The following UBE2G1 variants were observed in gnomAD, a reference collection of about 807,000 sequenced individuals.
The protein encoded by UBE2G1 is ubiquitin-conjugating enzyme E2 G1.
UBE2G1 carries 5 observed loss-of-function variants against 22.7 expected under a neutral mutation model. That is an observed-to-expected ratio of 0.22 (90% confidence interval 0.12 to 0.46). UBE2G1 has a LOEUF of 0.46. Ranked by LOEUF, UBE2G1 falls within the 20% of genes least tolerant of loss-of-function variation. UBE2G1 has a pLI of 0.99. For synonymous variants in UBE2G1, 74 were observed against 67.5 expected (o/e 1.10, Z -0.47); for missense variants, 88 against 203.9 (o/e 0.43, Z 3.46).
At chr17:4,291,342 G>A (rs35867792) in intron 3 of UBE2G1, among the ~76,000 whole-genome samples, 44 of 141,504 alleles carry the variant, frequency 3.1e-4, no homozygotes, top group South Asian at 9.6e-4. Context: ...CCTGGGCAAC[G>A]GGCGAAACTC....
At chr17:4,365,772 G>A (rs906869753) in intron 1 of UBE2G1, among the ~76,000 whole-genome samples, 14 of 152,276 alleles carry the variant, frequency 9.2e-5, no homozygotes, top group Middle Eastern at 3.4e-3. Flanking sequence ...ACCCAGCGCC[G>A]CCCGGGGAGA....
chr17:4,366,255 C>T lies in UBE2G1; in HGVS notation c.46+16G>A. 6.5e-7 allele frequency: 1 copy of T among 1,538,186 alleles called. No individual in the cohort carries two copies. Among genetic ancestry groups the T allele is most frequent in the Admixed American group, 1.9e-5 (1 of 52,374 alleles). ...GATCGCGGCCGGGCCCGGCGCCCCGCCGCCCGCCTGCTCACCTGCCAGCTG... is the reference window on the plus strand; with the variant it reads ...GATCGCGGCCGGGCCCGGCGCCCCGTCGCCCGCCTGCTCACCTGCCAGCTG... On this transcript the variant is annotated intron_variant, in intron 1 of 5. Coordinates refer to ENST00000396981, the MANE Select transcript of UBE2G1 (RefSeq NM_003342.5).
chr17:4,339,076 T>C (rs1283825363), intron 1 of UBE2G1, among the ~76,000 whole-genome samples: 1 of 152,176 alleles, frequency 6.6e-6, no homozygotes, highest in Non-Finnish European at 1.5e-5. Flanking sequence ...GAATGTATAT[T>C]ACATTTTATG....
At chr17:4,340,174 G>A (rs1473662116) in intron 1 of UBE2G1, among the ~76,000 whole-genome samples, 2 of 152,140 alleles carry the variant, frequency 1.3e-5, no homozygotes, top group Non-Finnish European at 2.9e-5. Flanking sequence ...TCCTACCTTG[G>A]CCTCCCAAAA....
chr17:4,334,274 A>G (rs959769453), intron 1 of UBE2G1, among the ~76,000 whole-genome samples: 1 of 152,130 alleles, frequency 6.6e-6, no homozygotes, highest in Non-Finnish European at 1.5e-5. Context: ...ACTGAATGAA[A>G]AAAAAAAATC....
chr17:4,299,479 C>G (rs1225067654), intron 2 of UBE2G1, among the ~76,000 whole-genome samples: 4 of 152,220 alleles, frequency 2.6e-5, no homozygotes, highest in Non-Finnish European at 5.9e-5. Flanking sequence ...CTACTGGCAG[C>G]CACTTGCCAC....
chr17:4,288,076 T>C (rs1421383131), intron 4 of UBE2G1, among the ~76,000 whole-genome samples: 4 of 152,242 alleles, frequency 2.6e-5, no homozygotes, highest in African/African-American at 9.6e-5. Context: ...ATGGTATCTA[T>C]AAACTACTCT....
At chr17:4,284,901 G>A (rs1598179920) in intron 4 of UBE2G1, among the ~76,000 whole-genome samples, 1 of 132,226 alleles carries the variant, frequency 7.6e-6, no homozygotes, top group South Asian at 2.3e-4. Context: ...CTGAAGTGCA[G>A]TGGTGATCAT....
At chr17:4,348,529 G>A (rs1319785835) in intron 1 of UBE2G1, among the ~76,000 whole-genome samples, 1 of 147,622 alleles carries the variant, frequency 6.8e-6, no homozygotes, top group Non-Finnish European at 1.5e-5. Context: ...CTCCAGCCTG[G>A]GCGACAGAGC....
intron 5 of UBE2G1, among the ~76,000 whole-genome samples, chr17:4,278,469 C>T (rs567591864): frequency 1.6e-4 from 24 of 152,224 alleles, no homozygotes; most frequent in African/African-American, 5.3e-4. Context: ...TGATGTTTTA[C>T]GAAATTCTAC....
chr17:4,281,178 G>C (rs367766394), intron 5 of UBE2G1, among the ~76,000 whole-genome samples: 2 of 152,230 alleles, frequency 1.3e-5, no homozygotes, highest in East Asian at 1.9e-4. Flanking sequence ...ATGAGAATAA[G>C]GAGTAGAGCG....
intron 1 of UBE2G1, among the ~76,000 whole-genome samples, chr17:4,318,153 C>T (rs1023175395): frequency 3.3e-5 from 5 of 152,078 alleles, no homozygotes; most frequent in Admixed American, 2.6e-4. Context: ...ATTGTATATG[C>T]GAAAGTCTGA....
rs187116842 is a variant in UBE2G1, at chr17:4,270,960, C to G, written c.*1594G>C. 1 of 152,188 alleles carries G rather than the reference C, an allele frequency of 6.6e-6. No individual in the cohort carries two copies. 9.4% of individuals were successfully genotyped at this position (152,188 alleles called of 1,614,324 possible). ...CCAAACCCCACAGAGCAGAGATGCA[C>G]GAATTCTCACTGATTCTCACAATCA... On this transcript the variant is annotated 3_prime_UTR_variant, in exon 6 of 6. Coordinates refer to ENST00000396981, the MANE Select transcript of UBE2G1 (RefSeq NM_003342.5).
At chr17:4,355,564 C>A (rs1474142542) in intron 1 of UBE2G1, among the ~76,000 whole-genome samples, 2 of 145,584 alleles carry the variant, frequency 1.4e-5, no homozygotes, top group Non-Finnish European at 1.5e-5. Context: ...ATCGCTTGAA[C>A]CTGGGAGGCC....
At chr17:4,320,540 T>C (rs968776768) in intron 1 of UBE2G1, among the ~76,000 whole-genome samples, 2 of 152,224 alleles carry the variant, frequency 1.3e-5, no homozygotes, top group African/African-American at 4.8e-5. Flanking sequence ...GATGCAAGGA[T>C]GCCCAACGTT....
chr17:4,312,438 G>A (rs568272870), intron 1 of UBE2G1, among the ~76,000 whole-genome samples: 115 of 152,072 alleles, frequency 7.6e-4, no homozygotes, highest in African/African-American at 2.6e-3. Flanking sequence ...AACTGAGAAA[G>A]GTAAGCCAGT....
In UBE2G1 at chr17:4,287,361, C is replaced by T. The variant is rs188321859; in HGVS notation, c.426+1869G>A. 2.0e-5 allele frequency among the ~76,000 whole-genome samples: 3 copies of T among 152,180 alleles called. No homozygotes were observed. In the East Asian group the frequency reaches 5.8e-4, roughly 29 times the overall value. ...TTGTGATCTGCCCACCTCGGCCTCC[C>T]AAACGGCTGGGATTACAGGTGTGAG... is the stretch of plus-strand genomic sequence containing the variant. On this transcript the variant is annotated intron_variant, in intron 4 of 5. Coordinates refer to ENST00000396981, the MANE Select transcript of UBE2G1 (RefSeq NM_003342.5).
chr17:4,325,268 T>C (rs1403390581), intron 1 of UBE2G1, among the ~76,000 whole-genome samples: 2 of 152,148 alleles, frequency 1.3e-5, no homozygotes, highest in Admixed American at 1.3e-4. Flanking sequence ...AACCCTGATA[T>C]AAATGATGGG....
intron 1 of UBE2G1, among the ~76,000 whole-genome samples, chr17:4,338,285 GAAGT>G (rs1246651116): frequency 1.3e-5 from 2 of 151,822 alleles, no homozygotes; most frequent in African/African-American, 4.8e-5. Flanking sequence ...GACTGAAAAG[GAAGT>G]AAGATAATAG....
Sources: gnomAD v4.1 joint callset for allele counts (sites outside exome capture counted in the v4.1 genomes callset) on GRCh38, gnomAD v4.1.1 for gene constraint, MANE v1.5 for transcripts, NCBI Gene and HGNC (gene_info 2026-07-23, HGNC 2026-07-21) for gene names.